Variants in STXBP5L observed in about 807,000 individuals in gnomAD.
The protein encoded by STXBP5L is syntaxin binding protein 5L, also known as syntaxin-binding protein 5-like.
STXBP5L carries 65 observed loss-of-function variants against 144.5 expected under a neutral mutation model. The ratio of observed to expected loss-of-function variants is 0.45; its 90% CI spans 0.37 to 0.55. The LOEUF is 0.55. Ranked by LOEUF, STXBP5L falls within the 20% of genes least tolerant of loss-of-function variation. STXBP5L has a pLI of 0.00. For missense variants in STXBP5L, 1,298 were observed against 1,405.5 expected (o/e 0.92, Z 1.22); for synonymous variants, 505 against 469.6 (o/e 1.08, Z -0.97).
intron 19 of STXBP5L, among the ~76,000 whole-genome samples, chr3:121,313,676 G>A (rs1248740709): frequency 1.4e-4 from 10 of 73,504 alleles, no homozygotes; most frequent in Admixed American, 4.5e-4. Flanking sequence ...TCCCAGTAGG[G>A]GCAGCCGGGC....
chr3:121,125,353 T>C lies in STXBP5L; in HGVS notation c.669+3649T>C, dbSNP rs570991810. 2.0e-5 allele frequency among the ~76,000 whole-genome samples: 3 copies of C among 152,066 alleles called. No homozygotes were observed. The East Asian group carries it at 5.8e-4, about 30-fold the overall frequency. ...CTTGTGTGGTGGCATGCGCCTGTAGTCCCAGCTACTTGGAAGCTGAAGCAA... is the reference window on the plus strand; with the variant it reads ...CTTGTGTGGTGGCATGCGCCTGTAGCCCCAGCTACTTGGAAGCTGAAGCAA... On this transcript the variant is annotated intron_variant, in intron 7 of 26. Transcript: ENST00000471454.
At chr3:120,975,148 C>T (rs1940802204) in intron 3 of STXBP5L, among the ~76,000 whole-genome samples, 1 of 152,156 alleles carries the variant, frequency 6.6e-6, no homozygotes, top group Non-Finnish European at 1.5e-5. Context: ...TGGCCATTTT[C>T]ACGATATTGC....
chr3:121,309,281 A>G (rs2043447067), intron 19 of STXBP5L, among the ~76,000 whole-genome samples: 2 of 152,114 alleles, frequency 1.3e-5, no homozygotes. Context: ...TTAAAGGTGT[A>G]AATAGGTTGA....
chr3:121,050,059 A>G (rs540631322), intron 5 of STXBP5L, among the ~76,000 whole-genome samples: 1 of 152,146 alleles, frequency 6.6e-6, no homozygotes, highest in East Asian at 1.9e-4. Context: ...TGGGTGGGCA[A>G]TTGTCCTGTC....
intron 3 of STXBP5L, among the ~76,000 whole-genome samples, chr3:121,017,329 C>A (rs866287677): frequency 6.6e-6 from 1 of 152,176 alleles, no homozygotes; most frequent in Non-Finnish European, 1.5e-5. Context: ...CCTACAGCAA[C>A]ATTATACTTA....
At chr3:121,104,926 A>T (rs1169707178) in intron 5 of STXBP5L, among the ~76,000 whole-genome samples, 2 of 152,146 alleles carry the variant, frequency 1.3e-5, no homozygotes, top group African/African-American at 2.4e-5. Flanking sequence ...CAAAAGAAAA[A>T]ATCAGCAGAG....
At chr3:121,364,987 C>T (rs184106935) in intron 20 of STXBP5L, among the ~76,000 whole-genome samples, 3 of 151,412 alleles carry the variant, frequency 2.0e-5, no homozygotes, top group Non-Finnish European at 4.4e-5. Flanking sequence ...GGGTTTTTCC[C>T]CTCTTTTTTT....
chr3:121,167,706 A>C (rs1230785757), intron 9 of STXBP5L, among the ~76,000 whole-genome samples: 1 of 152,106 alleles, frequency 6.6e-6, no homozygotes, highest in Non-Finnish European at 1.5e-5. Context: ...TAAAACCCTC[A>C]TCTCCCTGGG....
intron 22 of STXBP5L, among the ~76,000 whole-genome samples, chr3:121,401,911 G>A (rs924472882): frequency 4.8e-5 from 7 of 145,218 alleles, no homozygotes; most frequent in Non-Finnish European, 7.5e-5. Flanking sequence ...AAAAAAAAAA[G>A]GAATTAGATT....
intron 7 of STXBP5L, among the ~76,000 whole-genome samples, chr3:121,138,302 A>G (rs776033111): frequency 3.2e-4 from 49 of 152,130 alleles, no homozygotes; most frequent in Non-Finnish European, 5.4e-4. Context: ...AAGGATTAGG[A>G]GAATTAATAT....
At chr3:121,398,223 C>T (rs1035142544) in intron 22 of STXBP5L, among the ~76,000 whole-genome samples, 4 of 152,326 alleles carry the variant, frequency 2.6e-5, no homozygotes, top group East Asian at 1.9e-4. Context: ...TATTTGTACC[C>T]GTTTTAAACT....
At chr3:121,077,938 A>G (rs992348154) in intron 5 of STXBP5L, among the ~76,000 whole-genome samples, 1 of 151,548 alleles carries the variant, frequency 6.6e-6, no homozygotes, top group Non-Finnish European at 1.5e-5. Context: ...CCTTAGCTAG[A>G]CATAAAGATT....
intron 20 of STXBP5L, among the ~76,000 whole-genome samples, chr3:121,363,748 G>A (rs1053074171): frequency 2.6e-5 from 4 of 152,096 alleles, no homozygotes; most frequent in Non-Finnish European, 4.4e-5. Flanking sequence ...TCTTATGAAG[G>A]TGGGTTTTTT....
intron 3 of STXBP5L, among the ~76,000 whole-genome samples, chr3:120,987,767 TTG>T (rs1224487906): frequency 6.6e-6 from 1 of 151,802 alleles, no homozygotes; most frequent in Non-Finnish European, 1.5e-5. Context: ...AATATTTTAT[TTG>T]TGTTGTCTTA....
intron 22 of STXBP5L, among the ~76,000 whole-genome samples, chr3:121,387,878 G>A (rs76257882): frequency 0.79 from 119,851 of 151,992 alleles, 47,397 homozygotes; most frequent in East Asian, 0.89. Context: ...TTGTCTTGGC[G>A]ATGCAGGCTC....
At chr3:121,012,670 G>T (rs1944866395) in intron 3 of STXBP5L, among the ~76,000 whole-genome samples, 1 of 151,436 alleles carries the variant, frequency 6.6e-6, no homozygotes, top group Admixed American at 6.6e-5. Flanking sequence ...GTTTTATTTG[G>T]GTAATTATTA....
At chr3:121,347,333 C>G (rs370575149) in intron 20 of STXBP5L, among the ~76,000 whole-genome samples, 7 of 152,222 alleles carry the variant, frequency 4.6e-5, no homozygotes, top group Admixed American at 4.6e-4. Flanking sequence ...GGTACCAGTA[C>G]CATGCTGTTT....
chr3:121,335,494 C>T (rs1482592786), intron 20 of STXBP5L, among the ~76,000 whole-genome samples: 1 of 152,036 alleles, frequency 6.6e-6, no homozygotes, highest in Non-Finnish European at 1.5e-5. Flanking sequence ...ATAACCAAGG[C>T]AATTTTAATC....
intron 3 of STXBP5L, among the ~76,000 whole-genome samples, chr3:120,982,200 G>T (rs764455202): frequency 2.0e-5 from 3 of 152,138 alleles, no homozygotes; most frequent in Non-Finnish European, 4.4e-5. Context: ...GTATGGGCTT[G>T]ATCTTTGTTT....
Sources: gnomAD v4.1 joint callset for allele counts (sites outside exome capture counted in the v4.1 genomes callset) on GRCh38, gnomAD v4.1.1 for gene constraint, MANE v1.5 for transcripts, NCBI Gene and HGNC (gene_info 2026-07-23, HGNC 2026-07-21) for gene names.